The following TMEM232 variants were observed in gnomAD, a reference collection of about 807,000 sequenced individuals.
TMEM232 encodes the protein transmembrane protein 232.
In TMEM232, 80 loss-of-function variants were observed where a neutral mutation model predicts 78.8. That is an observed-to-expected ratio of 1.01 (90% confidence interval 0.85 to 1.22). The LOEUF (loss-of-function observed/expected upper bound fraction) is 1.22, where lower values mean the gene tolerates loss of function less well. TMEM232 is among the 50% of genes most tolerant of loss of function. The pLI is 0.00. For synonymous variants in TMEM232, 297 were observed against 254.3 expected (o/e 1.17, Z -1.60); for missense variants, 881 against 742.2 (o/e 1.19, Z -2.17).
chr5:110,610,769 G>A (rs1166527249), intron 8 of TMEM232, among the ~76,000 whole-genome samples: 1 of 152,080 alleles, frequency 6.6e-6, no homozygotes, highest in Non-Finnish European at 1.5e-5. Flanking sequence ...TTAGAAATTT[G>A]AAGGGGGAAT....
At chr5:110,595,685 GATCAACTTAATGA>G (rs1369239882) in intron 10 of TMEM232, among the ~76,000 whole-genome samples, 1 of 152,070 alleles carries the variant, frequency 6.6e-6, no homozygotes, top group Non-Finnish European at 1.5e-5. Context: ...AGAGATTGAA[GATCAACTTAATGA>G]AACAAAGCAT....
intron 12 of TMEM232, among the ~76,000 whole-genome samples, chr5:110,450,034 T>C (rs890693190): frequency 6.6e-6 from 1 of 152,098 alleles, no homozygotes; most frequent in Non-Finnish European, 1.5e-5. Context: ...GTTATTGTGA[T>C]AGTGAGTTCT....
intron 12 of TMEM232, among the ~76,000 whole-genome samples, chr5:110,486,079 G>A (rs1328895640): frequency 6.6e-6 from 1 of 151,658 alleles, no homozygotes; most frequent in Non-Finnish European, 1.5e-5. Context: ...TAGAGATGTT[G>A]AGCATTTTTT....
chr5:110,729,632 G>T (rs891998781), upstream of TMEM232, among the ~76,000 whole-genome samples: 2 of 152,210 alleles, frequency 1.3e-5, no homozygotes, highest in African/African-American at 4.8e-5. Flanking sequence ...TTAAGAATTT[G>T]AATTTTTAGC....
intron 12 of TMEM232, among the ~76,000 whole-genome samples, chr5:110,444,708 C>T (rs1759459673): frequency 6.6e-6 from 1 of 152,084 alleles, no homozygotes. Context: ...TACAAAGTGC[C>T]TTATAGTTGG....
rs1226248016 is a variant in TMEM232, at chr5:110,565,682, T to C, written c.1455+2765A>G. On this transcript the variant is annotated intron_variant, in intron 11 of 13. Coordinates refer to ENST00000455884, the MANE Select transcript of TMEM232 (RefSeq NM_001039763.4). ...GCTACTCTCACCTACTGCTTTGGTATGACAAACTTGGTTTAAACATTCTCC... is the reference window on the plus strand; with the variant it reads ...GCTACTCTCACCTACTGCTTTGGTACGACAAACTTGGTTTAAACATTCTCC... Among the ~76,000 whole-genome samples the C allele has an allele frequency of 3.9e-5, 6 of 152,012 alleles. No homozygotes were observed. The East Asian group carries it at 1.2e-3, about 29-fold the overall frequency.
chr5:110,669,447 G>C (rs1175083699), intron 1 of TMEM232, among the ~76,000 whole-genome samples: 1 of 152,104 alleles, frequency 6.6e-6, no homozygotes, highest in East Asian at 1.9e-4. Context: ...CTGAATCCCT[G>C]AATAGACCAA....
chr5:110,438,381 C>G (rs534461129), intron 12 of TMEM232, among the ~76,000 whole-genome samples: 1 of 151,848 alleles, frequency 6.6e-6, no homozygotes, highest in East Asian at 2.0e-4. Context: ...TCTGCCTCTC[C>G]AGGTCCCAGC....
intron 10 of TMEM232, among the ~76,000 whole-genome samples, chr5:110,573,125 C>G (rs1777153418): frequency 6.6e-6 from 1 of 151,964 alleles, no homozygotes; most frequent in African/African-American, 2.4e-5. Flanking sequence ...ATTAAGAAAC[C>G]ACCACTGTAC....
intron 2 of TMEM232, among the ~76,000 whole-genome samples, chr5:110,658,895 A>G (rs1315808424): frequency 6.6e-6 from 1 of 152,138 alleles, no homozygotes; most frequent in Admixed American, 6.5e-5. Context: ...TCATCTTAAA[A>G]CCATGCATAT....
Position 110,693,226 on chromosome 5 carries a change from G to T in TMEM232, c.-12-25862C>A, listed in dbSNP as rs538079642. Among the ~76,000 whole-genome samples, 431 of 152,276 alleles carry T rather than the reference G, an allele frequency of 2.8e-3. 2 individuals are homozygous for T. Among genetic ancestry groups the T allele is most frequent in the African/African-American group, 1.0e-2 (415 of 41,558 alleles). ...AATGGACCTCCAGCAAACTCCAACA[G>T]ACCTGCAGCTGAGGGTACTGACTGT... On this transcript the variant is annotated intron_variant, in intron 1 of 13. Coordinates refer to ENST00000455884, the MANE Select transcript of TMEM232 (RefSeq NM_001039763.4).
At chr5:110,698,558 A>G (rs764147779) in intron 1 of TMEM232, among the ~76,000 whole-genome samples, 8 of 152,042 alleles carry the variant, frequency 5.3e-5, no homozygotes, top group Non-Finnish European at 1.0e-4. Flanking sequence ...ATCTTAAGGA[A>G]CTCAGTTCTT....
chr5:110,694,457 T>G (rs1359568377), intron 1 of TMEM232, among the ~76,000 whole-genome samples: 1 of 152,006 alleles, frequency 6.6e-6, no homozygotes, highest in Non-Finnish European at 1.5e-5. Context: ...CATAACAATA[T>G]TAACCTTAAA....
At position 110,412,483 on chromosome 5, in the gene TMEM232, T is replaced by C. The variant is rs79583199; in HGVS notation, n.308+12340A>G. Among the ~76,000 whole-genome samples, 1,298 of 152,230 alleles carry C rather than the reference T, an allele frequency of 8.5e-3. 9 individuals carry two copies. Among genetic ancestry groups the C allele is most frequent in the African/African-American group, 0.011 (460 of 41,546 alleles). Reference sequence around the variant, plus strand: ...TTTCTCGCTTGGGTTGAAGCAATCATGACCATTGATATGTCGAATATGTGA... The same window carrying C: ...TTTCTCGCTTGGGTTGAAGCAATCACGACCATTGATATGTCGAATATGTGA... On this transcript the variant is annotated intron_variant and non_coding_transcript_variant, in intron 2 of 8. Transcript: ENST00000507188.
At chr5:110,679,552 T>A (rs954866704) in intron 1 of TMEM232, among the ~76,000 whole-genome samples, 35 of 152,216 alleles carry the variant, frequency 2.3e-4, no homozygotes, top group African/African-American at 8.2e-4. Context: ...CAATTTTTTT[T>A]CATAGAACAT....
chr5:110,738,862 C>T, upstream of TMEM232: 3 of 771,444 alleles, frequency 3.9e-6, no homozygotes, highest in Non-Finnish European at 6.0e-6. Flanking sequence ...ACCATATTCC[C>T]ACCTATTCCC....
At chr5:110,593,051 T>C (rs1289185211) in intron 10 of TMEM232, among the ~76,000 whole-genome samples, 1 of 152,156 alleles carries the variant, frequency 6.6e-6, no homozygotes, top group African/African-American at 2.4e-5. Flanking sequence ...CAGAAACAAG[T>C]GTGTTTATTC....
At chr5:110,667,618 A>G (rs1477369642) in intron 1 of TMEM232, 5 of 210,504 alleles carry the variant, frequency 2.4e-5, no homozygotes, top group Non-Finnish European at 4.6e-5. Context: ...AAAACCATTG[A>G]AACAGCAGCA....
intron 2 of TMEM232, among the ~76,000 whole-genome samples, chr5:110,659,047 C>T (rs979176228): frequency 2.0e-5 from 3 of 152,034 alleles, no homozygotes; most frequent in East Asian, 1.9e-4. Context: ...GGAATAGAAC[C>T]CTCAACATGC....
Sources: gnomAD v4.1 joint callset for allele counts (sites outside exome capture counted in the v4.1 genomes callset) on GRCh38, gnomAD v4.1.1 for gene constraint, MANE v1.5 for transcripts, NCBI Gene and HGNC (gene_info 2026-07-23, HGNC 2026-07-21) for gene names.